The following CTNNA3 variants were observed in gnomAD, a reference collection of about 807,000 sequenced individuals.
CTNNA3 encodes the protein catenin alpha-3.
CTNNA3 carries 76 observed loss-of-function variants against 95.7 expected under a neutral mutation model. That is an observed-to-expected ratio of 0.79 (90% CI 0.66 to 0.96). The LOEUF is 0.96. Ranked by LOEUF, CTNNA3 falls within the 40% of genes least tolerant of loss-of-function variation. CTNNA3 has a pLI of 0.00. For missense variants in CTNNA3, 1,191 were observed against 1,089.8 expected, an observed-to-expected ratio of 1.09 and a Z score of -1.31; for synonymous variants, 431 against 374.4, an observed-to-expected ratio of 1.15 and a Z score of -1.74.
At chr10:67,584,547 C>T (rs552953515) in intron 3 of CTNNA3, among the ~76,000 whole-genome samples, 76 of 152,324 alleles carry the variant, frequency 5.0e-4, no homozygotes, top group Non-Finnish European at 5.9e-4. Context: ...TCTGTCCATT[C>T]TCAGATCTCA....
intron 5 of CTNNA3, among the ~76,000 whole-genome samples, chr10:67,443,541 G>A: frequency 6.6e-6 from 1 of 152,078 alleles, no homozygotes; most frequent in East Asian, 1.9e-4. Flanking sequence ...TTTCTCTGAT[G>A]GCCAGTGATG....
At chr10:66,672,988 A>T (rs1366932476) in intron 9 of CTNNA3, among the ~76,000 whole-genome samples, 1 of 152,114 alleles carries the variant, frequency 6.6e-6, no homozygotes, top group African/African-American at 2.4e-5. Context: ...TCTCAAAGCC[A>T]TATGGATGTT....
intron 11 of CTNNA3, among the ~76,000 whole-genome samples, chr10:66,432,132 TA>T (rs1294843726): frequency 1.3e-5 from 2 of 151,914 alleles, no homozygotes; most frequent in Admixed American, 6.6e-5. Flanking sequence ...TATTTAATAA[TA>T]AAAAACAAAT....
Position 67,452,868 on chromosome 10 carries a change from G to A in CTNNA3, c.579+68974C>T, listed in dbSNP as rs538251878. Among the ~76,000 whole-genome samples, 151 of 152,286 alleles carry A rather than the reference G, an allele frequency of 9.9e-4. 1 individual carries two copies. The highest frequency in any genetic ancestry group is 3.4e-3 in the African/African-American group (140 of 41,550). ...AGGAGTCAGGGGTCAGGGGGTAGTT[G>A]GGAGGAGAAGACTAAAATATAATAG... is the stretch of plus-strand genomic sequence containing the variant. On this transcript the variant is annotated intron_variant, in intron 5 of 17. Coordinates refer to ENST00000433211, the MANE Select transcript of CTNNA3 (RefSeq NM_013266.4).
At chr10:67,056,892 A>C (rs1855464864) in intron 7 of CTNNA3, among the ~76,000 whole-genome samples, 1 of 152,184 alleles carries the variant, frequency 6.6e-6, no homozygotes, top group Admixed American at 6.6e-5. Flanking sequence ...GTGAGAGAGC[A>C]AGGATTATGT....
intron 5 of CTNNA3, among the ~76,000 whole-genome samples, chr10:67,383,823 C>T (rs1844040993): frequency 6.6e-6 from 1 of 152,120 alleles, no homozygotes; most frequent in African/African-American, 2.4e-5. Flanking sequence ...TAAACAGTGA[C>T]GTTTACTAGA....
chr10:67,278,224 GAA>G (rs1330167248), intron 5 of CTNNA3, among the ~76,000 whole-genome samples: 2 of 152,192 alleles, frequency 1.3e-5, no homozygotes, highest in South Asian at 2.1e-4. Context: ...CTTTGATGAT[GAA>G]AAGAGTCAAA....
At chr10:66,859,985 G>A (rs1843847812) in intron 7 of CTNNA3, among the ~76,000 whole-genome samples, 1 of 120,434 alleles carries the variant, frequency 8.3e-6, no homozygotes, top group Admixed American at 9.0e-5. Context: ...ATGGACACAG[G>A]AAAGGGAACA....
upstream of CTNNA3, among the ~76,000 whole-genome samples, chr10:67,696,673 A>G (rs1292455008): frequency 3.3e-5 from 5 of 152,096 alleles, no homozygotes; most frequent in African/African-American, 1.2e-4. Flanking sequence ...AAGATTTACC[A>G]AAAACTCAAT....
At chr10:66,517,909 A>C (rs145157563) in intron 11 of CTNNA3, among the ~76,000 whole-genome samples, 75 of 152,276 alleles carry the variant, frequency 4.9e-4, no homozygotes, top group African/African-American at 1.8e-3. Context: ...GAATTTAAAA[A>C]TAATAATTAA....
intron 15 of CTNNA3, among the ~76,000 whole-genome samples, chr10:66,028,801 T>C (rs77873628): frequency 0.15 from 22,849 of 151,928 alleles, 2,088 homozygotes; most frequent in South Asian, 0.33. Context: ...AGAAAAGGAA[T>C]AGAAGTTAAA....
chr10:67,457,076 T>A (rs1218061166), intron 5 of CTNNA3, among the ~76,000 whole-genome samples: 2 of 152,070 alleles, frequency 1.3e-5, no homozygotes, highest in Non-Finnish European at 2.9e-5. Flanking sequence ...ATTTATAATA[T>A]TAGATAGAAA....
At chr10:67,492,952 A>G (rs920664242) in intron 5 of CTNNA3, among the ~76,000 whole-genome samples, 4 of 152,290 alleles carry the variant, frequency 2.6e-5, no homozygotes, top group Admixed American at 1.3e-4. Flanking sequence ...AGAAAAGACC[A>G]TGGAAACCTC....
intron 1 of CTNNA3, among the ~76,000 whole-genome samples, chr10:67,692,089 G>A (rs1328422236): frequency 2.7e-5 from 4 of 147,596 alleles, no homozygotes; most frequent in African/African-American, 7.7e-5. Flanking sequence ...CCCCCCGCCC[G>A]GCCAGCTGCC....
intron 5 of CTNNA3, among the ~76,000 whole-genome samples, chr10:67,475,320 C>T (rs1452049205): frequency 1.3e-5 from 2 of 152,098 alleles, no homozygotes; most frequent in African/African-American, 4.8e-5. Flanking sequence ...TAGAACTGTT[C>T]CATATTTTTA....
intron 17 of CTNNA3, among the ~76,000 whole-genome samples, chr10:65,921,695 G>T (rs1408727201): frequency 5.3e-5 from 8 of 152,154 alleles, no homozygotes; most frequent in Non-Finnish European, 1.5e-5. Flanking sequence ...CATGCCAACT[G>T]CTTCTTCTGA....
chr10:67,559,250 A>T (rs549627072), intron 3 of CTNNA3, among the ~76,000 whole-genome samples: 1 of 152,340 alleles, frequency 6.6e-6, no homozygotes, highest in South Asian at 2.1e-4. Flanking sequence ...CAGTAGGGGC[A>T]GACTGACACC....
chr10:67,700,834 C>T (rs1380817649), upstream of CTNNA3, among the ~76,000 whole-genome samples: 5 of 152,104 alleles, frequency 3.3e-5, no homozygotes, highest in Admixed American at 6.5e-5. Flanking sequence ...CTGCGAACTA[C>T]AGGAGGAAAT....
At chr10:67,478,845 T>TA (rs143794060) in intron 5 of CTNNA3, among the ~76,000 whole-genome samples, 16,106 of 139,512 alleles carry the variant, frequency 0.12, 1,194 homozygotes, top group East Asian at 0.36. Context: ...CAAGTTGAAT[T>TA]AAAAAAAAAA....
Sources: allele counts gnomAD v4.1 joint callset (sites outside exome capture counted in the v4.1 genomes callset), GRCh38; gene constraint gnomAD v4.1.1; transcripts MANE v1.5; gene names NCBI Gene and HGNC (gene_info 2026-07-23, HGNC 2026-07-21).